USP12: variants seen among roughly 807,000 people sequenced by gnomAD.
USP12 encodes the protein ubiquitin carboxyl-terminal hydrolase 12.
A neutral mutation model predicts 45.5 loss-of-function variants in USP12; 19 were observed. The observed-to-expected ratio is 0.42, with a 90% CI of 0.29 to 0.61. The LOEUF (loss-of-function observed/expected upper bound fraction) is 0.61. USP12 is among the 20% of genes least tolerant of loss of function. The pLI is 0.22. For synonymous variants in USP12, 149 were observed against 148.8 expected, an observed-to-expected ratio of 1.00 and a Z score of -0.01; for missense variants, 242 against 447.7, an observed-to-expected ratio of 0.54 and a Z score of 4.15.
chr13:27,113,515 A>G (rs1875565996), intron 2 of USP12, among the ~76,000 whole-genome samples: 1 of 152,168 alleles, frequency 6.6e-6, no homozygotes, highest in African/African-American at 2.4e-5. Flanking sequence ...TTCTTACTCC[A>G]GCAGAGTAGA....
intron 1 of USP12, among the ~76,000 whole-genome samples, chr13:27,150,078 TAGAG>T (rs1196225743): frequency 6.6e-6 from 1 of 152,118 alleles, no homozygotes; most frequent in Non-Finnish European, 1.5e-5. Flanking sequence ...TTCAAATAGA[TAGAG>T]GAGCAGATTT....
intron 6 of USP12, among the ~76,000 whole-genome samples, chr13:27,088,883 T>G (rs1874189171): frequency 6.6e-6 from 1 of 152,142 alleles, no homozygotes; most frequent in East Asian, 1.9e-4. Context: ...GAAGTGATCT[T>G]GGGGATACTC....
At chr13:27,133,089 C>A (rs1876585430) in intron 1 of USP12, among the ~76,000 whole-genome samples, 1 of 152,190 alleles carries the variant, frequency 6.6e-6, no homozygotes, top group Non-Finnish European at 1.5e-5. Context: ...CCTGCTGTAA[C>A]TTTTTCTACT....
chr13:27,121,068 G>A (rs1875959877), intron 1 of USP12, among the ~76,000 whole-genome samples: 1 of 152,150 alleles, frequency 6.6e-6, no homozygotes, highest in Non-Finnish European at 1.5e-5. Context: ...ACTCAAGACA[G>A]GGAGGACAAC....
intron 1 of USP12, among the ~76,000 whole-genome samples, chr13:27,132,979 T>G (rs1159036): frequency 6.6e-6 from 1 of 152,206 alleles, no homozygotes; most frequent in East Asian, 1.9e-4. Context: ...ACAGCCATGC[T>G]CCTACTATGA....
In USP12 at chr13:27,135,829, G is replaced by A. The variant is rs185182911; in HGVS notation, c.49-19233C>T. Among the ~76,000 whole-genome samples the A allele has an allele frequency of 3.1e-3, 465 of 152,322 alleles. 2 individuals carry two copies. The highest frequency in any genetic ancestry group is 0.011 in the African/African-American group (447 of 41,566). On this transcript the variant is annotated intron_variant, in intron 1 of 8. Transcript: ENST00000282344. ...AACACTTACTGCCAGAAGCTAGCTA[G>A]GGAGGGGAGAAGGCAGCAAAGAAGG...
intron 1 of USP12, among the ~76,000 whole-genome samples, chr13:27,125,570 A>G (rs1876190446): frequency 6.6e-6 from 1 of 152,098 alleles, no homozygotes; most frequent in African/African-American, 2.4e-5. Context: ...CTGCATTTCC[A>G]TCTGAGGTAC....
chr13:27,069,413 A>G, intron 8 of USP12, 29 bp from the exon 9 acceptor site: 1 of 1,508,134 alleles, frequency 6.6e-7, no homozygotes, highest in Non-Finnish European at 9.2e-7. Flanking sequence ...ACATTAGTAC[A>G]TAAATGAGCT....
At chr13:27,116,622 AG>A in intron 1 of USP12, 26 bp from the exon 2 acceptor site, 1 of 1,604,008 alleles carries the variant, frequency 6.2e-7, no homozygotes. Context: ...CAAAAATCTT[AG>A]TATTTATAGT....
intron 6 of USP12, among the ~76,000 whole-genome samples, chr13:27,086,619 A>G (rs1033145428): frequency 6.6e-6 from 1 of 152,198 alleles, no homozygotes; most frequent in Non-Finnish European, 1.5e-5. Context: ...TTTTACAGAC[A>G]ATTCTCAATT....
At chr13:27,115,443 G>C (rs1357885599) in intron 2 of USP12, among the ~76,000 whole-genome samples, 1 of 152,128 alleles carries the variant, frequency 6.6e-6, no homozygotes, top group African/African-American at 2.4e-5. Flanking sequence ...TCAAATCCAT[G>C]AGAAACCCAT....
At chr13:27,089,514 T>A in intron 6 of USP12, 1 of 174,146 alleles carries the variant, frequency 5.7e-6, no homozygotes, top group Non-Finnish European at 1.2e-5. Context: ...ACATCCTATG[T>A]AGGAAAAGCA....
chr13:27,125,653 G>T (rs1464942393), intron 1 of USP12, among the ~76,000 whole-genome samples: 1 of 152,238 alleles, frequency 6.6e-6, no homozygotes, highest in Non-Finnish European at 1.5e-5. Context: ...AGGGTGGGGC[G>T]TCCCCTCACC....
At chr13:27,072,229 G>A (rs987861364) in intron 7 of USP12, among the ~76,000 whole-genome samples, 2 of 151,576 alleles carry the variant, frequency 1.3e-5, no homozygotes, top group African/African-American at 4.8e-5. Context: ...ATGGGGAGAG[G>A]GTCAGAAATG....
At chr13:27,127,976 A>G (rs1175765954) in intron 1 of USP12, among the ~76,000 whole-genome samples, 1 of 152,178 alleles carries the variant, frequency 6.6e-6, no homozygotes, top group Non-Finnish European at 1.5e-5. Context: ...TAGAAACTCA[A>G]TGTTCCTATT....
intron 1 of USP12, among the ~76,000 whole-genome samples, chr13:27,130,929 T>C (rs990169391): frequency 6.6e-6 from 1 of 152,192 alleles, no homozygotes; most frequent in African/African-American, 2.4e-5. Context: ...CAGCAAGCCG[T>C]GACGCTTAAA....
intron 1 of USP12, among the ~76,000 whole-genome samples, chr13:27,164,264 A>T (rs868507121): frequency 6.6e-6 from 1 of 152,216 alleles, no homozygotes; most frequent in Non-Finnish European, 1.5e-5. Flanking sequence ...GAAGCATTTC[A>T]GTTAAGAACA....
rs187242995 is a variant in USP12 at position 27,170,423 on chromosome 13, G to A, written c.48+1169C>T. Reference sequence around the variant, plus strand: ...TCAGTTGCATAAATAGGGCCAGTGAGGCATGAAACACAAGATTTCAGAAGT... The same window carrying A: ...TCAGTTGCATAAATAGGGCCAGTGAAGCATGAAACACAAGATTTCAGAAGT... On this transcript the variant is annotated intron_variant, in intron 1 of 8. Coordinates refer to ENST00000282344, the MANE Select transcript of USP12 (RefSeq NM_182488.4). The A allele has an allele frequency of 9.8e-4, 391 of 398,162 alleles. 2 individuals carry two copies. The highest frequency in any genetic ancestry group is 7.5e-3 in the African/African-American group (364 of 48,736). 24.7% of individuals were successfully genotyped at this position (398,162 alleles called of 1,614,324 possible). A position where few individuals can be genotyped will look rare whatever the true frequency, so the allele number is the denominator to read the frequency against.
chr13:27,146,858 T>TC (rs1427485240), intron 1 of USP12, among the ~76,000 whole-genome samples: 2 of 152,270 alleles, frequency 1.3e-5, no homozygotes, highest in African/African-American at 4.8e-5. Context: ...TAAAATGAGG[T>TC]CATGAAGGTA....
Sources: gnomAD v4.1 joint callset for allele counts (sites outside exome capture counted in the v4.1 genomes callset) on GRCh38, gnomAD v4.1.1 for gene constraint, MANE v1.5 for transcripts, NCBI Gene and HGNC (gene_info 2026-07-23, HGNC 2026-07-21) for gene names.